The following CYSLTR2 variants were observed in gnomAD, a reference collection of about 807,000 sequenced individuals.
The protein encoded by CYSLTR2 is cysteinyl leukotriene receptor 2.
For synonymous variants in CYSLTR2, 179 were observed against 160.8 expected (o/e 1.11, Z -0.86); for missense variants, 398 against 411.9 (o/e 0.97, Z 0.29).
At chr13:48,654,461 T>C (rs995134367) in intron 1 of CYSLTR2, among the ~76,000 whole-genome samples, 2 of 152,214 alleles carry the variant, frequency 1.3e-5, no homozygotes, top group African/African-American at 4.8e-5. Flanking sequence ...AGCTGCTGCA[T>C]ATTATTGCAT....
At chr13:48,691,100 G>T (rs1304474696) in intron 1 of CYSLTR2, 112 bp from the exon 2 acceptor site, 3 of 151,954 alleles carry the variant, frequency 2.0e-5, no homozygotes, top group Non-Finnish European at 4.4e-5. Context: ...TCTAGGTAAA[G>T]CTTATATTAC....
chr13:48,678,210 T>C (rs1953652959), intron 1 of CYSLTR2, among the ~76,000 whole-genome samples: 1 of 152,158 alleles, frequency 6.6e-6, no homozygotes, highest in Non-Finnish European at 1.5e-5. Context: ...GGTTTCACCA[T>C]GTTGGCAAGG....
intron 1 of CYSLTR2, among the ~76,000 whole-genome samples, chr13:48,659,939 A>G (rs961166066): frequency 6.6e-6 from 1 of 152,226 alleles, no homozygotes; most frequent in Non-Finnish European, 1.5e-5. Flanking sequence ...AGGAGAGCTG[A>G]GGAAAGTTTT....
Position 48,707,393 on chromosome 13 carries a change from C to G in CYSLTR2, c.576C>G (p.Leu192=). ...TCACATCATGCTTAGAGCTGAATCT[C>G]TATAAAATTGCTAAGCTGCAGACCA... is the stretch of plus-strand genomic sequence containing the variant. ...GSVTSCLELN[L]YKIAKLQTMN... is the part of the protein sequence containing the mutation. Residue 192 remains leucine, a synonymous_variant, in exon 5 of 5, where the codon CTC becomes CTG. Transcript: ENST00000682523. The G allele has an allele frequency of 6.2e-7, 1 of 1,614,110 alleles. No homozygotes were observed. Among genetic ancestry groups the G allele is most frequent in the Non-Finnish European group, 8.5e-7 (1 of 1,180,020 alleles).
chr13:48,659,666 G>A (rs529311977), intron 1 of CYSLTR2, among the ~76,000 whole-genome samples: 14 of 152,116 alleles, frequency 9.2e-5, no homozygotes, highest in African/African-American at 2.9e-4. Flanking sequence ...TGATCAATCC[G>A]TAGGGATTTA....
intron 1 of CYSLTR2, among the ~76,000 whole-genome samples, chr13:48,670,059 G>A (rs1386582018): frequency 1.3e-5 from 2 of 152,144 alleles, no homozygotes; most frequent in African/African-American, 2.4e-5. Context: ...TATGTTTGTT[G>A]GCCGCATAAA....
chr13:48,707,294 T>A lies in CYSLTR2; in HGVS notation c.477T>A (p.Cys159Ter), dbSNP rs1375024859. 1 of 1,614,050 alleles carries A rather than the reference T, an allele frequency of 6.2e-7. No homozygotes were observed. The highest frequency in any genetic ancestry group is 2.2e-5 in the East Asian group (1 of 44,892). The change falls in exon 5 of 5, where the codon TGT (cysteine) becomes TGA (stop). Residue 159 changes from cysteine to a stop codon, truncating the protein, a stop_gained. Coordinates refer to ENST00000682523, the MANE Select transcript of CYSLTR2 (RefSeq NM_001308476.3). LOFTEE classifies it low-confidence loss of function (END_TRUNC). Reference protein sequence around the residue: ...VTSIRSAWILCGIIWILIMAS... With the variant: ...VTSIRSAWIL Reference sequence around the variant, plus strand: ...GCATCAGGAGTGCCTGGATCCTCTGTGGGATCATATGGATCCTTATCATGG... The same window carrying A: ...GCATCAGGAGTGCCTGGATCCTCTGAGGGATCATATGGATCCTTATCATGG...
chr13:48,705,630 CAT>C (rs199982306), intron 4 of CYSLTR2, among the ~76,000 whole-genome samples: 8 of 147,922 alleles, frequency 5.4e-5, no homozygotes, highest in South Asian at 2.1e-4. Flanking sequence ...TAAAGATATA[CAT>C]ATATATATAT....
Position 48,709,488 on chromosome 13 carries a change from C to CA in CYSLTR2, c.*1631dup, listed in dbSNP as rs1424872287. The CA allele has an allele frequency of 6.3e-6, 1 of 158,436 alleles. No homozygotes were observed. The highest frequency in any genetic ancestry group is 1.5e-5 in the Non-Finnish European group (1 of 68,070). The allele number at this position is 158,436 out of a possible 1,614,324, so 9.8% of individuals were successfully genotyped here. A position where few individuals can be genotyped will look rare whatever the true frequency, so the allele number is the denominator to read the frequency against. On this transcript the variant is annotated 3_prime_UTR_variant, in exon 5 of 5. Transcript: ENST00000682523. Reference sequence around the variant, plus strand: ...CTGCATAATCTGAAAAAAAGGCTGACAGATACAAATAGTTGAGGATCCTTC... The same window carrying CA: ...CTGCATAATCTGAAAAAAAGGCTGACAAGATACAAATAGTTGAGGATCCTTC...
At chr13:48,660,045 T>C (rs1953090668) in intron 1 of CYSLTR2, among the ~76,000 whole-genome samples, 1 of 152,100 alleles carries the variant, frequency 6.6e-6, no homozygotes. Flanking sequence ...ATATATGATG[T>C]TTTTGTTGAG....
chr13:48,662,569 C>A (rs778560728), intron 1 of CYSLTR2, among the ~76,000 whole-genome samples: 3 of 152,148 alleles, frequency 2.0e-5, no homozygotes, highest in Admixed American at 1.3e-4. Flanking sequence ...GATGATACCT[C>A]ATCGTGGTTT....
chr13:48,693,468 C>G lies in CYSLTR2; in HGVS notation c.-145C>G, dbSNP rs773185883. On this transcript the variant is annotated 5_prime_UTR_variant, in exon 3 of 5. It adds an upstream start codon to the 5' untranslated region. Coordinates refer to ENST00000682523, the MANE Select transcript of CYSLTR2 (RefSeq NM_001308476.3). The stretch of plus-strand genomic sequence containing the variant: ...TTGACTACTTGTCTGAACTAGATAT[C>G]CCTTGAATGTGCACACAAAAAGTGA... 3.3e-5 allele frequency: 5 copies of G among 151,512 alleles called. No individual in the cohort carries two copies. The highest frequency in any genetic ancestry group is 7.4e-5 in the Non-Finnish European group (5 of 67,918). The allele number at this position is 151,512 out of a possible 1,614,324, so 9.4% of individuals were successfully genotyped here.
chr13:48,699,680 G>A (rs1054038110), intron 4 of CYSLTR2, among the ~76,000 whole-genome samples: 2 of 151,596 alleles, frequency 1.3e-5, no homozygotes, highest in Non-Finnish European at 2.9e-5. Context: ...AAGTAAAACT[G>A]AAGGAAATAG....
At chr13:48,700,903 A>G (rs1954324569) in intron 4 of CYSLTR2, among the ~76,000 whole-genome samples, 1 of 152,218 alleles carries the variant, frequency 6.6e-6, no homozygotes, top group African/African-American at 2.4e-5. Flanking sequence ...ACTCCCATTC[A>G]CAATTGCTTC....
At chr13:48,658,527 C>A (rs551131327) in intron 1 of CYSLTR2, among the ~76,000 whole-genome samples, 26 of 152,284 alleles carry the variant, frequency 1.7e-4, no homozygotes, top group African/African-American at 5.8e-4. Flanking sequence ...CTTCCATGGG[C>A]AAACAGTCTG....
chr13:48,673,718 C>T (rs560769083), intron 1 of CYSLTR2, among the ~76,000 whole-genome samples: 19 of 152,098 alleles, frequency 1.2e-4, no homozygotes, highest in South Asian at 2.1e-4. Flanking sequence ...TTTATAGTGT[C>T]GACGGTCTTT....
At chr13:48,672,229 C>T (rs1038400783) in intron 1 of CYSLTR2, among the ~76,000 whole-genome samples, 15 of 151,852 alleles carry the variant, frequency 9.9e-5, no homozygotes, top group East Asian at 7.7e-4. Flanking sequence ...TTTTCAAAAA[C>T]GCAGCTTTTG....
intron 3 of CYSLTR2, among the ~76,000 whole-genome samples, chr13:48,695,395 C>T (rs76877973): frequency 3.6e-5 from 3 of 83,026 alleles, no homozygotes; most frequent in East Asian, 3.9e-4. Context: ...CTTTCTTTCT[C>T]TCTCTCTCTC....
At chr13:48,667,387 T>C (rs1234533483) in intron 1 of CYSLTR2, among the ~76,000 whole-genome samples, 2 of 151,900 alleles carry the variant, frequency 1.3e-5, no homozygotes, top group Non-Finnish European at 2.9e-5. Flanking sequence ...GCCTGGGGGG[T>C]GGAGGGCATG....
Sources: gnomAD v4.1 joint callset for allele counts (sites outside exome capture counted in the v4.1 genomes callset) on GRCh38, gnomAD v4.1.1 for gene constraint, MANE v1.5 for transcripts, NCBI Gene and HGNC (gene_info 2026-07-23, HGNC 2026-07-21) for gene names.